Variants in COPB1 observed in about 807,000 individuals in gnomAD.
COPB1 encodes the protein coatomer subunit beta.
In COPB1, 21 loss-of-function variants were observed where a neutral mutation model predicts 108.7. The ratio of observed to expected loss-of-function variants is 0.19; its 90% CI spans 0.14 to 0.28. The LOEUF (loss-of-function observed/expected upper bound fraction) is 0.28, where lower values mean the gene tolerates loss of function less well. Among genes scored for constraint, COPB1 ranks in the 10% least tolerant of loss-of-function variants. The pLI, the probability that COPB1 is intolerant of heterozygous loss-of-function variation, is 1.00. For synonymous variants in COPB1, 378 were observed against 386.8 expected (o/e 0.98, Z 0.27); for missense variants, 919 against 1,141.3 (o/e 0.81, Z 2.81).
At chr11:14,474,437 G>A (rs542882429) in intron 14 of COPB1, 58 bp downstream of exon 14, 4 of 1,511,468 alleles carry the variant, frequency 2.6e-6, no homozygotes, top group Admixed American at 1.8e-5. Flanking sequence ...ACTGTTCAAT[G>A]CATATAGTAG....
chr11:14,481,964 T>C (rs1470090381), intron 8 of COPB1, among the ~76,000 whole-genome samples: 1 of 152,092 alleles, frequency 6.6e-6, no homozygotes, highest in African/African-American at 2.4e-5. Flanking sequence ...AATTTTTGTA[T>C]TTTAATGGAG....
At chr11:14,489,301 T>C (rs1850843370) in intron 5 of COPB1, among the ~76,000 whole-genome samples, 1 of 152,216 alleles carries the variant, frequency 6.6e-6, no homozygotes, top group Non-Finnish European at 1.5e-5. Flanking sequence ...AGAGCTGCTG[T>C]GCAAAACAGT....
intron 14 of COPB1, among the ~76,000 whole-genome samples, chr11:14,472,389 C>T (rs1160100800): frequency 1.3e-5 from 2 of 152,218 alleles, no homozygotes; most frequent in Non-Finnish European, 2.9e-5. Flanking sequence ...AGAGGATGTG[C>T]TGACATCCAG....
At chr11:14,488,670 C>A in intron 5 of COPB1, 86 bp from the exon 6 acceptor site, 2 of 704,860 alleles carry the variant, frequency 2.8e-6, no homozygotes, top group Non-Finnish European at 4.4e-6. Context: ...CACATTACAA[C>A]TCAATATAAA....
In COPB1 at chr11:14,479,595, T is replaced by C. The variant is rs766348484; in HGVS notation, c.1332A>G (p.Glu444=). 1 of 1,612,418 alleles carries C rather than the reference T, an allele frequency of 6.2e-7. No individual in the cohort carries two copies. Among genetic ancestry groups the C allele is most frequent in the Non-Finnish European group, 8.5e-7 (1 of 1,179,392 alleles). ...LRMLIVEKML[E]VFHAIKSVKI... ...TGACAGATTTAATAGCATGAAAGAC[T>C]TCAAGCATCTTCTCAACAATAAGCA... Residue 444 remains glutamate (E), a synonymous_variant, in exon 11 of 22, where the codon GAA becomes GAG. Transcript: ENST00000439561.
chr11:14,483,420 TA>T (rs1305568430), intron 7 of COPB1, among the ~76,000 whole-genome samples: 2 of 152,104 alleles, frequency 1.3e-5, no homozygotes, highest in African/African-American at 2.4e-5. Flanking sequence ...AAAGCTGCTA[TA>T]GGTAGACATA....
Position 14,483,021 on chromosome 11 carries a change from A to C in COPB1, c.957+11T>G. ...TTTATTTAGGATCTCTCTTTTTCAGATAACACTTACCTGTAGTACTCGTTC... is the reference window on the plus strand; with the variant it reads ...TTTATTTAGGATCTCTCTTTTTCAGCTAACACTTACCTGTAGTACTCGTTC... On this transcript the variant is annotated intron_variant, in intron 8 of 21. Transcript: ENST00000439561. 6.6e-7 allele frequency: 1 copy of C among 1,524,834 alleles called. No homozygotes were observed. The highest frequency in any genetic ancestry group is 8.9e-7 in the Non-Finnish European group (1 of 1,125,314). The allele number at this position is 1,524,834 out of a possible 1,614,324, so 94.5% of individuals were successfully genotyped here. A position where few individuals can be genotyped will look rare whatever the true frequency, so the allele number is the denominator to read the frequency against.
intron 19 of COPB1, among the ~76,000 whole-genome samples, chr11:14,460,829 T>C (rs1193441714): frequency 6.6e-6 from 1 of 152,090 alleles, no homozygotes; most frequent in Non-Finnish European, 1.5e-5. Context: ...CTAATAAAAG[T>C]CAAGGCTCAA....
intron 20 of COPB1, 100 bp downstream of exon 20, chr11:14,460,108 T>C (rs1850111194): frequency 4.3e-6 from 3 of 704,360 alleles, no homozygotes; most frequent in East Asian, 2.6e-5. Context: ...AGAATGGTAC[T>C]GCATATTGAA....
chr11:14,459,634 G>A (rs1850102299), intron 20 of COPB1, among the ~76,000 whole-genome samples: 1 of 151,910 alleles, frequency 6.6e-6, no homozygotes, highest in African/African-American at 2.4e-5. Flanking sequence ...TTATCTTTTT[G>A]AGACAGAGTT....
At chr11:14,461,497 T>C (rs554164725) in intron 18 of COPB1, among the ~76,000 whole-genome samples, 166 bp from the exon 19 acceptor site, 2 of 152,348 alleles carry the variant, frequency 1.3e-5, no homozygotes, top group African/African-American at 4.8e-5. Context: ...ATATTACTGG[T>C]TTAATACTCC....
At chr11:14,474,974 T>C (rs1850486854) in intron 13 of COPB1, among the ~76,000 whole-genome samples, 1 of 151,044 alleles carries the variant, frequency 6.6e-6, no homozygotes, top group Non-Finnish European at 1.5e-5. Flanking sequence ...CACAAACCTG[T>C]AATCCCAGCT....
intron 11 of COPB1, among the ~76,000 whole-genome samples, chr11:14,478,484 T>C (rs545867586): frequency 6.8e-6 from 1 of 147,566 alleles, no homozygotes; most frequent in African/African-American, 2.4e-5. Flanking sequence ...ATTATTTTAA[T>C]GTAAAAAGTA....
In COPB1 at chr11:14,483,051, G is replaced by A. The variant is rs1850696340; in HGVS notation, c.938C>T (p.Ala313Val). ...DRLIELKEHP[A>V]HERVLQDLVM... The stretch of plus-strand genomic sequence containing the variant: ...ACTTACCTGTAGTACTCGTTCATGA[G>A]CAGGATGCTCTTTTAATTCTATCAA... The change falls in exon 8 of 22, where the codon GCT becomes GTT. Residue 313 changes from alanine (A) to valine (V), a missense_variant. Ala to Val is a moderately conservative substitution (Grantham distance 64, BLOSUM62 0). This residue lies in a region of COPB1 where 705 missense variants were observed against 817.8 expected (regional missense o/e 0.86). Transcript: ENST00000439561. 3 of 1,573,332 alleles carry A rather than the reference G, an allele frequency of 1.9e-6. No individual in the cohort carries two copies. In the East Asian group the frequency reaches 6.8e-5, roughly 36 times the overall value.
intron 15 of COPB1, 44 bp from the exon 16 acceptor site, chr11:14,468,904 T>G: frequency 2.6e-6 from 4 of 1,533,648 alleles, no homozygotes; most frequent in Non-Finnish European, 3.6e-6. Flanking sequence ...TATGAAAAGA[T>G]AGTTTTTTAG....
chr11:14,482,002 G>C (rs1850671796), intron 8 of COPB1, among the ~76,000 whole-genome samples: 1 of 152,092 alleles, frequency 6.6e-6, no homozygotes, highest in Non-Finnish European at 1.5e-5. Context: ...ATATTTGTCA[G>C]GGTGGTCTCG....
At chr11:14,495,045 T>C (rs1850986455) in intron 2 of COPB1, among the ~76,000 whole-genome samples, 1 of 152,214 alleles carries the variant, frequency 6.6e-6, no homozygotes, top group Admixed American at 6.5e-5. Flanking sequence ...AATTCAAATG[T>C]TCTAGATTAG....
chr11:14,492,328 T>C (rs1199509188), intron 4 of COPB1, among the ~76,000 whole-genome samples: 1 of 151,590 alleles, frequency 6.6e-6, no homozygotes, highest in Non-Finnish European at 1.5e-5. Context: ...CCCTACATTA[T>C]TATTATTATT....
chr11:14,477,743 A>G (rs1279327257), intron 11 of COPB1, among the ~76,000 whole-genome samples: 1 of 151,964 alleles, frequency 6.6e-6, no homozygotes, highest in Non-Finnish European at 1.5e-5. Flanking sequence ...GAAAATACAA[A>G]AAAAATTTGC....
Sources: gnomAD v4.1 joint callset for allele counts (sites outside exome capture counted in the v4.1 genomes callset) on GRCh38, gnomAD v4.1.1 for gene constraint, gnomAD v4.1.1 regional missense constraint, MANE v1.5 for transcripts, NCBI Gene and HGNC (gene_info 2026-07-23, HGNC 2026-07-21) for gene names.